The following RIDA variants were observed in gnomAD, a reference collection of about 807,000 sequenced individuals.
The protein encoded by RIDA is reactive intermediate imine deaminase A, also known as 2-iminobutanoate/2-iminopropanoate deaminase.
In RIDA, 17 loss-of-function variants were observed where a neutral mutation model predicts 17.8. That is an observed-to-expected ratio of 0.96 (90% CI 0.65 to 1.43). The LOEUF (loss-of-function observed/expected upper bound fraction) is 1.43. Ranked by LOEUF, RIDA falls within the 40% of genes most tolerant of loss-of-function variation. The probability of loss-of-function intolerance (pLI) is 0.00; values close to 1 mark genes in which losing one functional copy is unlikely to be tolerated. For missense variants in RIDA, 158 were observed against 161.7 expected (o/e 0.98, Z 0.12); for synonymous variants, 48 against 55.7 (o/e 0.86, Z 0.62).
chr8:98,106,333 A>G lies in RIDA; in HGVS notation c.172-7T>C. 1 of 1,613,394 alleles carries G rather than the reference A, an allele frequency of 6.2e-7. No homozygotes were observed. ...CACCCATGTTTTTAAGAGCCTGTGAACCAAGCCAAGAAAGGCCTAAGTCAC... is the reference window on the plus strand; with the variant it reads ...CACCCATGTTTTTAAGAGCCTGTGAGCCAAGCCAAGAAAGGCCTAAGTCAC... On this transcript the variant is annotated splice_region_variant and splice_polypyrimidine_tract_variant and intron_variant, in intron 2 of 5. Transcript: ENST00000254878.
Position 98,111,045 on chromosome 8 carries a change from G to A in RIDA, c.66-2294C>T, listed in dbSNP as rs545778434. Among the ~76,000 whole-genome samples, 109 of 152,126 alleles carry A rather than the reference G, an allele frequency of 7.2e-4. 2 individuals are homozygous for A. The South Asian group carries it at 0.022, about 30-fold the overall frequency. Reference sequence around the variant, plus strand: ...CAATTAAGCCTCTTTATAAATACTCGGGTTGTATCTTTATAGCAGTGTGGA... The same window carrying A: ...CAATTAAGCCTCTTTATAAATACTCAGGTTGTATCTTTATAGCAGTGTGGA... On this transcript the variant is annotated intron_variant, in intron 1 of 5. Coordinates refer to ENST00000254878, the MANE Select transcript of RIDA (RefSeq NM_005836.3).
Position 98,117,019 on chromosome 8 carries a change from C to G in RIDA, c.65+13G>C. The G allele has an allele frequency of 6.2e-7, 1 of 1,611,444 alleles. No homozygotes were observed. The highest frequency in any genetic ancestry group is 8.5e-7 in the Non-Finnish European group (1 of 1,177,782). On this transcript the variant is annotated intron_variant, in intron 1 of 5. Coordinates refer to ENST00000254878, the MANE Select transcript of RIDA (RefSeq NM_005836.3). ...CGCCCTGGGTCCGACACAGCTTCCACCAGCCACGTTACCTGTAGGGTCCAA... is the reference window on the plus strand; with the variant it reads ...CGCCCTGGGTCCGACACAGCTTCCAGCAGCCACGTTACCTGTAGGGTCCAA...
intron 1 of RIDA, among the ~76,000 whole-genome samples, chr8:98,109,590 A>G (rs1350512295): frequency 6.6e-6 from 1 of 152,104 alleles, no homozygotes; most frequent in East Asian, 1.9e-4. Flanking sequence ...TATTTAACAT[A>G]CAACCCAGCA....
chr8:98,105,810 T>G, intron 4 of RIDA, 128 bp downstream of exon 4: 1 of 597,780 alleles, frequency 1.7e-6, no homozygotes, highest in Non-Finnish European at 3.0e-6. Context: ...GATTATTAAT[T>G]CTTTTAAGAT....
In RIDA at chr8:98,116,795, T is replaced by C. The variant is rs1400676159; in HGVS notation, c.65+237A>G. Reference sequence around the variant, plus strand: ...CTGAAGGCTTCTAACTGGGGAGAGCTTTCTGGCAGGCTGTGCTCCGCAGCG... The same window carrying C: ...CTGAAGGCTTCTAACTGGGGAGAGCCTTCTGGCAGGCTGTGCTCCGCAGCG... On this transcript the variant is annotated intron_variant, in intron 1 of 5. Coordinates refer to ENST00000254878, the MANE Select transcript of RIDA (RefSeq NM_005836.3). 4.6e-5 allele frequency among the ~76,000 whole-genome samples: 7 copies of C among 152,190 alleles called. No individual in the cohort carries two copies. The East Asian group carries it at 7.7e-4, about 17-fold the overall frequency.
intron 2 of RIDA, among the ~76,000 whole-genome samples, chr8:98,107,977 C>T (rs1354092596): frequency 6.6e-6 from 1 of 152,172 alleles, no homozygotes; most frequent in Non-Finnish European, 1.5e-5. Flanking sequence ...ACCATGTTGG[C>T]CAGGCTGGTC....
In RIDA at chr8:98,117,063, C is replaced by T. The variant is rs747563570; in HGVS notation, c.34G>A (p.Ala12Thr). The T allele has an allele frequency of 1.2e-6, 2 of 1,614,068 alleles. No individual in the cohort carries two copies. The highest frequency in any genetic ancestry group is 1.7e-6 in the Non-Finnish European group (2 of 1,179,992). The change falls in exon 1 of 6, where the codon GCG becomes ACG. Residue 12 changes from alanine (A) to threonine (T), a missense_variant. Transcript: ENST00000254878. ...SSLIRRVIST[A>T]KAPGAIGPYS... ...GGTCCAATGGCCCCTGGGGCTTTCG[C>T]GGTGCTGATCACCCTTCTGATCAAG...
At chr8:98,103,151 T>G (rs551792537) in intron 5 of RIDA, among the ~76,000 whole-genome samples, 15 of 152,286 alleles carry the variant, frequency 9.8e-5, no homozygotes, top group South Asian at 8.3e-4. Context: ...TATTTTCCCC[T>G]CAATTCACAG....
intron 1 of RIDA, among the ~76,000 whole-genome samples, chr8:98,112,728 T>C (rs1815745548): frequency 6.6e-6 from 1 of 152,222 alleles, no homozygotes; most frequent in Non-Finnish European, 1.5e-5. Flanking sequence ...CTGTTTTTTA[T>C]TAACTGTCCT....
intron 1 of RIDA, among the ~76,000 whole-genome samples, chr8:98,109,832 G>T (rs980049222): frequency 2.0e-5 from 3 of 152,072 alleles, no homozygotes; most frequent in Non-Finnish European, 4.4e-5. Context: ...GCCTAGGCTG[G>T]TCTCAAACTC....
rs1563762424 is a variant in RIDA at position 98,102,854 on chromosome 8, CGTTGTCA to C, written c.395_401del (p.Leu132ArgfsTer16). ...GCACTGGGCCCACTTATAGTGATGC[CGTTGTCA>C]GTGGTCCTTGGATAGCTACTGCTTC... is the stretch of plus-strand genomic sequence containing the variant. On this transcript the variant is annotated frameshift_variant, in exon 6 of 6. Transcript: ENST00000254878. LOFTEE classifies it high-confidence loss of function. 1.9e-6 allele frequency: 3 copies of C among 1,611,868 alleles called. No individual in the cohort carries two copies. The highest frequency in any genetic ancestry group is 2.5e-6 in the Non-Finnish European group (3 of 1,178,340).
intron 1 of RIDA, among the ~76,000 whole-genome samples, chr8:98,109,575 A>C (rs1357744600): frequency 6.6e-6 from 1 of 152,118 alleles, no homozygotes; most frequent in African/African-American, 2.4e-5. Flanking sequence ...AAAAATTTAA[A>C]CATATATTTA....
intron 1 of RIDA, among the ~76,000 whole-genome samples, chr8:98,114,150 C>T (rs1269514066): frequency 2.1e-5 from 3 of 143,182 alleles, no homozygotes; most frequent in African/African-American, 2.6e-5. Flanking sequence ...GCTGTGATCC[C>T]GGCTCCAGCC....
intron 1 of RIDA, among the ~76,000 whole-genome samples, chr8:98,110,186 C>A (rs952698258): frequency 1.3e-5 from 2 of 152,114 alleles, no homozygotes; most frequent in African/African-American, 4.8e-5. Context: ...TAGAAATATT[C>A]TAAAATTTGA....
chr8:98,108,674 G>A lies in RIDA; in HGVS notation c.143C>T (p.Ser48Leu), dbSNP rs772753535. ...TTTAGCTTCTTCTGCTACCCCTCCTGACACAAGCTGTCCACTTGAAGGGTC... is the reference window on the plus strand; with the variant it reads ...TTTAGCTTCTTCTGCTACCCCTCCTAACACAAGCTGTCCACTTGAAGGGTC... ...GMDPSSGQLVSGGVAEEAKQA... is the reference protein window; with the variant it reads ...GMDPSSGQLVLGGVAEEAKQA... Residue 48 changes from serine (S) to leucine (L), a missense_variant, in exon 2 of 6, where the codon TCA becomes TTA. By Grantham distance (145) the Ser-to-Leu change is moderately radical (BLOSUM62 -2). Coordinates refer to ENST00000254878, the MANE Select transcript of RIDA (RefSeq NM_005836.3). The A allele has an allele frequency of 9.9e-5, 160 of 1,612,990 alleles. No homozygotes were observed. Among genetic ancestry groups the A allele is most frequent in the Non-Finnish European group, 1.3e-4 (154 of 1,179,156 alleles).
chr8:98,107,700 C>T (rs796726273), intron 2 of RIDA, among the ~76,000 whole-genome samples: 34 of 152,066 alleles, frequency 2.2e-4, no homozygotes, highest in Admixed American at 6.5e-4. Flanking sequence ...CAGGTTTAAG[C>T]GATTCTTCTG....
At chr8:98,108,791 A>G in intron 1 of RIDA, 40 bp from the exon 2 acceptor site, 1 of 1,339,392 alleles carries the variant, frequency 7.5e-7, no homozygotes, top group Non-Finnish European at 1.1e-6. Context: ...TGTAAGTATA[A>G]AACATAAAAT....
At chr8:98,110,015 A>G (rs2927371) in intron 1 of RIDA, among the ~76,000 whole-genome samples, 68,022 of 152,062 alleles carry the variant, frequency 0.45, 15,510 homozygotes, top group South Asian at 0.51. Flanking sequence ...AAAGCAAGAC[A>G]CACACACATG....
In RIDA at chr8:98,106,460, A is replaced by C. The variant is rs377105046; in HGVS notation, c.172-134T>G. On this transcript the variant is annotated intron_variant, in intron 2 of 5. Coordinates refer to ENST00000254878, the MANE Select transcript of RIDA (RefSeq NM_005836.3). The stretch of plus-strand genomic sequence containing the variant: ...AGAAAAATCCTCCCTACTCGCTTAC[A>C]AGTGTGTTTCTTGGCTTTCCTTTAA... The C allele has an allele frequency of 1.4e-3, 975 of 704,220 alleles. 18 individuals carry two copies. The South Asian group carries it at 0.017, about 12-fold the overall frequency. The allele number at this position is 704,220 out of a possible 1,614,324, so 43.6% of individuals were successfully genotyped here.
Sources: allele counts gnomAD v4.1 joint callset (sites outside exome capture counted in the v4.1 genomes callset), GRCh38; gene constraint gnomAD v4.1.1; transcripts MANE v1.5; gene names NCBI Gene and HGNC (gene_info 2026-07-23, HGNC 2026-07-21).